CHN1: variants seen among roughly 807,000 people sequenced by gnomAD.
CHN1 encodes the protein N-chimaerin.
In CHN1, 37 loss-of-function variants were observed where a neutral mutation model predicts 59.5. The ratio of observed to expected loss-of-function variants is 0.62; its 90% confidence interval spans 0.48 to 0.82. The LOEUF (loss-of-function observed/expected upper bound fraction) is 0.82, where lower values mean the gene tolerates loss of function less well. Among genes scored for constraint, CHN1 ranks in the 40% least tolerant of loss-of-function variants. CHN1 has a pLI of 0.00. For missense variants in CHN1, 469 were observed against 571.0 expected (o/e 0.82, Z 1.82); for synonymous variants, 206 against 200.4 (o/e 1.03, Z -0.24).
intron 5 of CHN1, among the ~76,000 whole-genome samples, chr2:174,893,046 C>T (rs1406101821): frequency 2.0e-5 from 3 of 152,178 alleles, no homozygotes; most frequent in African/African-American, 7.2e-5. Context: ...AGCTCTTCCT[C>T]TAAGATCAGG....
chr2:174,868,769 G>A (rs1392683040), intron 6 of CHN1, among the ~76,000 whole-genome samples: 1 of 152,206 alleles, frequency 6.6e-6, no homozygotes, highest in Non-Finnish European at 1.5e-5. Context: ...CTACAGGACA[G>A]TTGAGTGGGC....
At chr2:174,844,139 A>G (rs1447400372) in intron 7 of CHN1, among the ~76,000 whole-genome samples, 1 of 152,064 alleles carries the variant, frequency 6.6e-6, no homozygotes, top group African/African-American at 2.4e-5. Flanking sequence ...TAACCTCCCT[A>G]AGGGATATAA....
At chr2:174,896,585 G>C (rs928679723) in intron 5 of CHN1, among the ~76,000 whole-genome samples, 6 of 152,054 alleles carry the variant, frequency 3.9e-5, no homozygotes, top group African/African-American at 1.5e-4. Context: ...TGAAAATCAT[G>C]ATGTCAGTCC....
At chr2:174,964,216 C>T (rs1327855596) in intron 1 of CHN1, among the ~76,000 whole-genome samples, 3 of 152,122 alleles carry the variant, frequency 2.0e-5, no homozygotes, top group Non-Finnish European at 4.4e-5. Flanking sequence ...GATAATGTTT[C>T]AAGTGACTGT....
chr2:174,846,758 T>A (rs1172896808), intron 7 of CHN1, 122 bp downstream of exon 7: 1 of 1,050,218 alleles, frequency 9.5e-7, no homozygotes, highest in African/African-American at 1.6e-5. Context: ...ATCTCACTCC[T>A]TAAATAGCAA....
intron 1 of CHN1, among the ~76,000 whole-genome samples, chr2:174,968,345 TTA>T (rs1331066730): frequency 6.6e-6 from 1 of 152,182 alleles, no homozygotes; most frequent in Non-Finnish European, 1.5e-5. Flanking sequence ...TTGCCTTAGA[TTA>T]TAAACTGTAG....
chr2:174,929,968 A>C (rs930914429), intron 3 of CHN1, among the ~76,000 whole-genome samples: 4 of 152,136 alleles, frequency 2.6e-5, no homozygotes, highest in African/African-American at 9.7e-5. Context: ...CTCTCTGGAG[A>C]GTGGCTATAA....
chr2:174,840,853 A>G (rs2105426308), intron 7 of CHN1, among the ~76,000 whole-genome samples: 1 of 152,310 alleles, frequency 6.6e-6, no homozygotes, highest in East Asian at 1.9e-4. Context: ...AGGAATGAGG[A>G]AGACAAAACA....
At chr2:174,841,716 T>G (rs1686308539) in intron 7 of CHN1, among the ~76,000 whole-genome samples, 1 of 152,138 alleles carries the variant, frequency 6.6e-6, no homozygotes, top group Admixed American at 6.5e-5. Flanking sequence ...CCAAGTAAAA[T>G]TATTTAAAGG....
intron 3 of CHN1, among the ~76,000 whole-genome samples, chr2:174,939,591 C>A (rs888839641): frequency 1.3e-5 from 2 of 152,136 alleles, no homozygotes; most frequent in African/African-American, 4.8e-5. Context: ...CTAATAAATA[C>A]TTCAGGACTT....
chr2:174,828,692 A>G (rs761519484), intron 7 of CHN1, among the ~76,000 whole-genome samples: 48 of 152,246 alleles, frequency 3.2e-4, no homozygotes, highest in Admixed American at 2.0e-3. Flanking sequence ...TTAAAAAGCC[A>G]TAAGTTGCAT....
Position 174,811,956 on chromosome 2 carries a change from T to G in CHN1, c.886+353A>C, listed in dbSNP as rs550341766. On this transcript the variant is annotated intron_variant, in intron 9 of 12. Coordinates refer to ENST00000409900, the MANE Select transcript of CHN1 (RefSeq NM_001822.7). ...TTAGGATGCAGCTCTGTTTTTGGCT[T>G]TATAGATAGTTTTAGTAGAGCATTT... 223 of 238,922 alleles carry G rather than the reference T, an allele frequency of 9.3e-4. 1 individual carries two copies. Among genetic ancestry groups the G allele is most frequent in the African/African-American group, 4.5e-3 (200 of 44,698 alleles). 14.8% of individuals were successfully genotyped at this position (238,922 alleles called of 1,614,324 possible). A position where few individuals can be genotyped will look rare whatever the true frequency, so the allele number is the denominator to read the frequency against.
intron 5 of CHN1, among the ~76,000 whole-genome samples, chr2:174,891,160 A>AAAAAAG (rs1558969595): frequency 2.2e-4 from 33 of 149,688 alleles, no homozygotes; most frequent in African/African-American, 7.1e-4. Context: ...AAAAAAAAAA[A>AAAAAAG]AAAAAGAAAA....
intron 3 of CHN1, among the ~76,000 whole-genome samples, chr2:174,934,806 C>A (rs1312655930): frequency 6.6e-6 from 1 of 152,192 alleles, no homozygotes; most frequent in Non-Finnish European, 1.5e-5. Context: ...TCATGCAACC[C>A]ATGACCATCT....
At chr2:174,846,066 G>A (rs1460328172) in intron 7 of CHN1, among the ~76,000 whole-genome samples, 2 of 152,066 alleles carry the variant, frequency 1.3e-5, no homozygotes, top group Non-Finnish European at 2.9e-5. Context: ...TAACTATTGG[G>A]AAGTTACTAT....
At chr2:174,979,529 A>T (rs1351147395) in intron 1 of CHN1, among the ~76,000 whole-genome samples, 1 of 152,148 alleles carries the variant, frequency 6.6e-6, no homozygotes, top group Non-Finnish European at 1.5e-5. Context: ...TAAGATGTAC[A>T]TAGGGCTGGG....
In CHN1 at chr2:174,953,719, G is replaced by A. The variant is rs563715874; in HGVS notation, c.20-1517C>T. ...CAAAAACAAAAACCAAAAAAACTTAGGAATACACATAACCAAGGAGGTGAA... is the reference window on the plus strand; with the variant it reads ...CAAAAACAAAAACCAAAAAAACTTAAGAATACACATAACCAAGGAGGTGAA... On this transcript the variant is annotated intron_variant, in intron 1 of 12. Transcript: ENST00000409900. 3.3e-5 allele frequency among the ~76,000 whole-genome samples: 5 copies of A among 151,888 alleles called. No individual in the cohort carries two copies. The South Asian group carries it at 1.0e-3, about 32-fold the overall frequency.
intron 1 of CHN1, among the ~76,000 whole-genome samples, chr2:174,968,528 G>A (rs1233013279): frequency 6.6e-6 from 1 of 152,204 alleles, no homozygotes; most frequent in Non-Finnish European, 1.5e-5. Context: ...ATGCTTTTAT[G>A]GCATACACAA....
chr2:174,915,346 C>T, intron 4 of CHN1, 175 bp from the exon 5 acceptor site: 1 of 595,612 alleles, frequency 1.7e-6, no homozygotes, highest in South Asian at 2.0e-5. Flanking sequence ...GACCTGGCCC[C>T]CAGCCAGCTT....
Sources: allele counts gnomAD v4.1 joint callset (sites outside exome capture counted in the v4.1 genomes callset), GRCh38; gene constraint gnomAD v4.1.1; transcripts MANE v1.5; gene names NCBI Gene and HGNC (gene_info 2026-07-23, HGNC 2026-07-21).